The following SPSB1 variants were observed in gnomAD, a reference collection of about 807,000 sequenced individuals.
SPSB1 encodes SPRY domain-containing SOCS box protein 1.
In SPSB1, 8 loss-of-function variants were observed where a neutral mutation model predicts 21.2. The observed-to-expected ratio is 0.38, with a 90% CI of 0.22 to 0.68. The LOEUF (loss-of-function observed/expected upper bound fraction) is 0.68. Ranked by LOEUF, SPSB1 falls within the 30% of genes least tolerant of loss-of-function variation. The probability of loss-of-function intolerance (pLI) is 0.53; values close to 1 mark genes in which losing one functional copy is unlikely to be tolerated. For synonymous variants in SPSB1, 169 were observed against 161.7 expected, an observed-to-expected ratio of 1.05 and a Z score of -0.34; for missense variants, 242 against 377.8, an observed-to-expected ratio of 0.64 and a Z score of 2.98.
At chr1:9,314,175 C>CAAAAA (rs58276325) in intron 1 of SPSB1, among the ~76,000 whole-genome samples, 2 of 138,786 alleles carry the variant, frequency 1.4e-5, no homozygotes, top group Admixed American at 7.1e-5. Flanking sequence ...GACTCTATCT[C>CAAAAA]AAAAAAAAAA....
rs550546054 is a variant in SPSB1, at chr1:9,325,073, C to T, written c.-149-30670C>T. ...CCGGTGTGGATGCAGTGGCTGCACT[C>T]GCTGGAAGCTGGGACTCCAGAGCTC... On this transcript the variant is annotated intron_variant, in intron 1 of 2. Transcript: ENST00000328089. Among the ~76,000 whole-genome samples, 525 of 152,288 alleles carry T rather than the reference C, an allele frequency of 3.4e-3. 3 individuals are homozygous for T. Among genetic ancestry groups the T allele is most frequent in the African/African-American group, 0.012 (503 of 41,560 alleles).
intron 1 of SPSB1, among the ~76,000 whole-genome samples, chr1:9,353,805 C>G (rs1244125059): frequency 6.6e-6 from 1 of 151,934 alleles, no homozygotes; most frequent in Non-Finnish European, 1.5e-5. Flanking sequence ...GTAATCCCAG[C>G]TACTTGAGAG....
intron 1 of SPSB1, among the ~76,000 whole-genome samples, chr1:9,308,249 T>C (rs1265240285): frequency 6.6e-6 from 1 of 152,146 alleles, no homozygotes; most frequent in Non-Finnish European, 1.5e-5. Flanking sequence ...AGTGCTGCAG[T>C]TGCCCTGACT....
intron 1 of SPSB1, among the ~76,000 whole-genome samples, chr1:9,295,514 G>A (rs900450489): frequency 2.6e-5 from 4 of 152,178 alleles, no homozygotes; most frequent in African/African-American, 9.7e-5. Context: ...GCTGGGTGAG[G>A]CCGTTTCTTG....
At chr1:9,351,271 C>A (rs1319422808) in intron 1 of SPSB1, among the ~76,000 whole-genome samples, 4 of 152,250 alleles carry the variant, frequency 2.6e-5, no homozygotes, top group Admixed American at 2.6e-4. Flanking sequence ...ACTTGATCTG[C>A]CCTAGCCCAG....
chr1:9,337,950 G>C (rs1001326310), intron 1 of SPSB1, among the ~76,000 whole-genome samples: 2 of 152,212 alleles, frequency 1.3e-5, no homozygotes, highest in Non-Finnish European at 2.9e-5. Flanking sequence ...AGGAAGGGAC[G>C]TGGGTCTGCT....
Position 9,351,182 on chromosome 1 carries a change from G to A in SPSB1, c.-149-4561G>A, listed in dbSNP as rs144334629. On this transcript the variant is annotated intron_variant, in intron 1 of 2. Coordinates refer to ENST00000328089, the MANE Select transcript of SPSB1 (RefSeq NM_025106.4). Reference sequence around the variant, plus strand: ...ATTCATGCCCATTGATTTACATATTGTCCGGAGAGCCTTAAGTAGTTACTA... The same window carrying A: ...ATTCATGCCCATTGATTTACATATTATCCGGAGAGCCTTAAGTAGTTACTA... Among the ~76,000 whole-genome samples the A allele has an allele frequency of 3.3e-5, 5 of 152,320 alleles. No homozygotes were observed. The East Asian group carries it at 9.6e-4, about 29-fold the overall frequency.
In SPSB1 at chr1:9,293,245, C is replaced by T. The variant is rs1025386390; in HGVS notation, c.-150+174C>T. 1.3e-5 allele frequency among the ~76,000 whole-genome samples: 2 copies of T among 149,078 alleles called. No homozygotes were observed. The highest frequency in any genetic ancestry group is 4.9e-5 in the African/African-American group (2 of 40,996). ...GAGTACGGGATGGGGACTCGGGGCG[C>T]GGCCCCTCCCGCGGTGGCTCCGGGG... On this transcript the variant is annotated intron_variant, in intron 1 of 2. Transcript: ENST00000328089. This position sits in a 1 kb window ranked among gnomAD's most constrained non-coding sequence, Gnocchi z 5.1.
intron 1 of SPSB1, among the ~76,000 whole-genome samples, chr1:9,341,403 C>T (rs771261156): frequency 6.6e-6 from 1 of 152,206 alleles, no homozygotes; most frequent in Non-Finnish European, 1.5e-5. Context: ...TGTTGCCTGC[C>T]TCCCCCCACT....
intron 2 of SPSB1, among the ~76,000 whole-genome samples, chr1:9,358,715 C>T (rs890048909): frequency 6.6e-6 from 1 of 152,190 alleles, no homozygotes; most frequent in African/African-American, 2.4e-5. Context: ...CCCACTGAGA[C>T]TGTGGGGCCC....
At chr1:9,329,104 CAG>C (rs1032951852) in intron 1 of SPSB1, among the ~76,000 whole-genome samples, 7 of 152,158 alleles carry the variant, frequency 4.6e-5, no homozygotes, top group African/African-American at 1.4e-4. Context: ...GCGTGGGGGA[CAG>C]GGTGGCGGGG....
At chr1:9,318,721 A>G (rs908395879) in intron 1 of SPSB1, among the ~76,000 whole-genome samples, 1 of 152,182 alleles carries the variant, frequency 6.6e-6, no homozygotes, top group Non-Finnish European at 1.5e-5. Context: ...CCATTCAGCA[A>G]TTCGGGCAGC....
At position 9,293,715 on chromosome 1, in the gene SPSB1, C is replaced by A. The variant is rs1639159889; in HGVS notation, c.-150+644C>A. ...ATCAGAAAAACAAGGGCGGCCTGGGCCCGCGGGAGGAACCGCGGATGGGTC... is the reference window on the plus strand; with the variant it reads ...ATCAGAAAAACAAGGGCGGCCTGGGACCGCGGGAGGAACCGCGGATGGGTC... On this transcript the variant is annotated intron_variant, in intron 1 of 2. Transcript: ENST00000328089. This position sits in a 1 kb window ranked among gnomAD's most constrained non-coding sequence, Gnocchi z 5.1. Among the ~76,000 whole-genome samples the A allele has an allele frequency of 6.6e-6, 1 of 152,138 alleles. No homozygotes were observed. The highest frequency in any genetic ancestry group is 2.4e-5 in the African/African-American group (1 of 41,434).
intron 2 of SPSB1, among the ~76,000 whole-genome samples, chr1:9,362,131 C>A (rs1298520204): frequency 6.6e-6 from 1 of 152,178 alleles, no homozygotes; most frequent in Non-Finnish European, 1.5e-5. Context: ...CTGGACTCTG[C>A]CGGGAGCTAC....
chr1:9,313,813 T>C (rs927196724), intron 1 of SPSB1, among the ~76,000 whole-genome samples: 1 of 152,170 alleles, frequency 6.6e-6, no homozygotes, highest in Non-Finnish European at 1.5e-5. Context: ...GCTGAGTGAA[T>C]GGAGGAGTGT....
chr1:9,365,225 G>T (rs935437918), intron 2 of SPSB1, among the ~76,000 whole-genome samples: 1 of 152,140 alleles, frequency 6.6e-6, no homozygotes, highest in Non-Finnish European at 1.5e-5. Flanking sequence ...ACAGCTTACT[G>T]CAGCCTTGAC....
At chr1:9,358,465 T>G (rs540708477) in intron 2 of SPSB1, among the ~76,000 whole-genome samples, 1 of 152,138 alleles carries the variant, frequency 6.6e-6, no homozygotes, top group African/African-American at 2.4e-5. Context: ...TGTGTCTGTC[T>G]CCCTAGGTGT....
intron 1 of SPSB1, among the ~76,000 whole-genome samples, chr1:9,313,574 T>C (rs1208793194): frequency 1.3e-5 from 2 of 151,882 alleles, no homozygotes; most frequent in African/African-American, 4.8e-5. Context: ...GGATGTGAAT[T>C]CTGGGAGGGG....
In SPSB1 at chr1:9,367,774, G is replaced by A. The variant is rs968675535; in HGVS notation, c.*199G>A. The stretch of plus-strand genomic sequence containing the variant: ...CACAGGCTCCTCTTTCCCCCTTCCC[G>A]ACATCAGCAGAAGGCAGCATCCCTG... On this transcript the variant is annotated 3_prime_UTR_variant, in exon 3 of 3. Transcript: ENST00000328089. The surrounding 1 kb of genome is among the most constrained non-coding windows in gnomAD (Gnocchi z 5.9). 4.1e-5 allele frequency: 32 copies of A among 771,314 alleles called. No homozygotes were observed. The highest frequency in any genetic ancestry group is 1.1e-4 in the East Asian group (4 of 36,612). 47.8% of individuals were successfully genotyped at this position (771,314 alleles called of 1,614,324 possible).
Sources: allele counts gnomAD v4.1 joint callset (sites outside exome capture counted in the v4.1 genomes callset), GRCh38; gene constraint gnomAD v4.1.1; non-coding constraint Gnocchi (gnomAD v3.1); transcripts MANE v1.5; gene names NCBI Gene and HGNC (gene_info 2026-07-23, HGNC 2026-07-21).